Variants in SERGEF observed in about 807,000 individuals in gnomAD.
The protein encoded by SERGEF is secretion-regulating guanine nucleotide exchange factor.
Under a neutral mutation model 50.0 loss-of-function variants are expected in SERGEF, and 51 were observed. The observed-to-expected ratio is 1.02, with a 90% confidence interval of 0.81 to 1.29. SERGEF has a LOEUF of 1.29. Among genes scored for constraint, SERGEF ranks in the 50% most tolerant of loss-of-function variants. The pLI is 0.00. For synonymous variants in SERGEF, 205 were observed against 212.4 expected, an observed-to-expected ratio of 0.97 and a Z score of 0.30; for missense variants, 521 against 557.0, an observed-to-expected ratio of 0.94 and a Z score of 0.65.
At chr11:17,895,621 G>A (rs1053936148) in intron 9 of SERGEF, among the ~76,000 whole-genome samples, 1 of 152,140 alleles carries the variant, frequency 6.6e-6, no homozygotes, top group Non-Finnish European at 1.5e-5. Flanking sequence ...TTCAGGTTCT[G>A]TTCTGGGTGA....
At chr11:17,994,874 T>A (rs1172742005) in intron 6 of SERGEF, among the ~76,000 whole-genome samples, 1 of 152,136 alleles carries the variant, frequency 6.6e-6, no homozygotes, top group Non-Finnish European at 1.5e-5. Context: ...CCCTTTCCTA[T>A]TCTTCCCCCA....
intron 10 of SERGEF, among the ~76,000 whole-genome samples, chr11:17,808,002 A>T (rs1849793651): frequency 6.6e-6 from 1 of 152,184 alleles, no homozygotes; most frequent in African/African-American, 2.4e-5. Context: ...CTGACCCCCT[A>T]GAATGTGCAG....
chr11:17,823,940 T>C (rs947242060), intron 10 of SERGEF, among the ~76,000 whole-genome samples: 2 of 152,220 alleles, frequency 1.3e-5, no homozygotes, highest in African/African-American at 4.8e-5. Flanking sequence ...GGTTTGGCTA[T>C]GTAACTAGGC....
chr11:17,808,413 G>A (rs765381526), intron 10 of SERGEF, among the ~76,000 whole-genome samples: 2 of 152,180 alleles, frequency 1.3e-5, no homozygotes, highest in Middle Eastern at 3.2e-3. Flanking sequence ...GAGCAAAAGA[G>A]CGAGCAGGGG....
At chr11:17,865,452 CAGA>C (rs748172277) in intron 10 of SERGEF, among the ~76,000 whole-genome samples, 1 of 151,970 alleles carries the variant, frequency 6.6e-6, no homozygotes, top group Non-Finnish European at 1.5e-5. Context: ...GGAGATATTA[CAGA>C]AGAAGGCATT....
chr11:17,812,240 T>G (rs1018926069), intron 10 of SERGEF, among the ~76,000 whole-genome samples: 3 of 152,174 alleles, frequency 2.0e-5, no homozygotes, highest in Admixed American at 6.5e-5. Context: ...AAATCACACA[T>G]GCAAAGCAAC....
chr11:17,815,964 T>C (rs1189311442), intron 10 of SERGEF, among the ~76,000 whole-genome samples: 1 of 152,096 alleles, frequency 6.6e-6, no homozygotes, highest in Non-Finnish European at 1.5e-5. Context: ...GACCCTCAAA[T>C]ACTAAGGGGA....
At chr11:17,938,407 A>C (rs1590208330) in intron 9 of SERGEF, among the ~76,000 whole-genome samples, 1 of 152,194 alleles carries the variant, frequency 6.6e-6, no homozygotes, top group East Asian at 1.9e-4. Flanking sequence ...GAAAAGTGAG[A>C]GGCAAAGTGA....
At chr11:17,918,305 C>A (rs572534322) in intron 9 of SERGEF, among the ~76,000 whole-genome samples, 1 of 152,200 alleles carries the variant, frequency 6.6e-6, no homozygotes, top group Non-Finnish European at 1.5e-5. Context: ...AGTGAGAGAA[C>A]TACTTGTAGA....
intron 9 of SERGEF, among the ~76,000 whole-genome samples, chr11:17,900,742 T>A (rs1851734445): frequency 6.6e-6 from 1 of 152,178 alleles, no homozygotes; most frequent in Non-Finnish European, 1.5e-5. Context: ...CCTGTAAGTA[T>A]ATTTATGTGT....
intron 10 of SERGEF, among the ~76,000 whole-genome samples, chr11:17,804,572 A>C (rs1019046455): frequency 4.6e-5 from 7 of 152,192 alleles, no homozygotes; most frequent in South Asian, 2.1e-4. Context: ...CTCCACTATT[A>C]CTTAATCTCT....
At chr11:17,802,284 T>G (rs771724259) in intron 10 of SERGEF, among the ~76,000 whole-genome samples, 1 of 152,082 alleles carries the variant, frequency 6.6e-6, no homozygotes, top group African/African-American at 2.4e-5. Flanking sequence ...CCTTAAACAT[T>G]GGTTCTAAGA....
intron 10 of SERGEF, among the ~76,000 whole-genome samples, chr11:17,835,292 G>A (rs1282052542): frequency 6.6e-6 from 1 of 152,140 alleles, no homozygotes; most frequent in African/African-American, 2.4e-5. Context: ...CAACTTGATG[G>A]CTGAGGATGA....
At chr11:17,958,446 T>G (rs1254535734) in intron 9 of SERGEF, among the ~76,000 whole-genome samples, 1 of 152,108 alleles carries the variant, frequency 6.6e-6, no homozygotes, top group Non-Finnish European at 1.5e-5. Flanking sequence ...AAAGTAAAAT[T>G]TAGTAACAGA....
intron 8 of SERGEF, among the ~76,000 whole-genome samples, chr11:17,962,303 G>T (rs1174960479): frequency 2.6e-5 from 4 of 151,936 alleles, no homozygotes; most frequent in Non-Finnish European, 1.5e-5. Flanking sequence ...TGAAATAAAG[G>T]CATAAACACA....
Position 17,906,826 on chromosome 11 carries a change from G to GAAAA in SERGEF, c.1012-28586_1012-28583dup, listed in dbSNP as rs56102467. Among the ~76,000 whole-genome samples the GAAAA allele has an allele frequency of 7.2e-4, 96 of 132,946 alleles. 1 individual carries two copies. The highest frequency in any genetic ancestry group is 2.8e-3 in the East Asian group (12 of 4,292). 87.2% of individuals were successfully genotyped at this position (132,946 alleles called of 152,430 possible). A position where few individuals can be genotyped will look rare whatever the true frequency, so the allele number is the denominator to read the frequency against. ...ACAGCCATACACTTCTATCAAATAA[G>GAAAA]AAAAAAAAAAAAAAAACCTCAGGGT... is the stretch of plus-strand genomic sequence containing the variant. On this transcript the variant is annotated intron_variant, in intron 9 of 10. Transcript: ENST00000265965.
chr11:17,983,244 G>A (rs1439785631), intron 8 of SERGEF, among the ~76,000 whole-genome samples: 1 of 152,204 alleles, frequency 6.6e-6, no homozygotes, highest in East Asian at 1.9e-4. Flanking sequence ...TAGATCTTGT[G>A]TAAATAATTC....
intron 9 of SERGEF, among the ~76,000 whole-genome samples, chr11:17,958,684 C>G (rs1236946615): frequency 6.6e-6 from 1 of 152,142 alleles, no homozygotes; most frequent in Non-Finnish European, 1.5e-5. Flanking sequence ...ACCCAATGCT[C>G]CAGCCAAACT....
chr11:17,862,213 G>A (rs1012859483), intron 10 of SERGEF, among the ~76,000 whole-genome samples: 7 of 152,034 alleles, frequency 4.6e-5, no homozygotes, highest in African/African-American at 7.2e-5. Context: ...ATACTCATCC[G>A]TTAAGACCCA....
Sources: gnomAD v4.1 joint callset for allele counts (sites outside exome capture counted in the v4.1 genomes callset) on GRCh38, gnomAD v4.1.1 for gene constraint, MANE v1.5 for transcripts, NCBI Gene and HGNC (gene_info 2026-07-23, HGNC 2026-07-21) for gene names.